Variants in ANKRD36 observed in about 807,000 individuals in gnomAD.
ANKRD36 encodes the protein ankyrin repeat domain-containing protein 36A.
Under a neutral mutation model 278.1 loss-of-function variants are expected in ANKRD36, and 179 were observed. The ratio of observed to expected loss-of-function variants is 0.64; its 90% CI spans 0.57 to 0.73. The LOEUF is 0.73. ANKRD36 is among the 30% of genes least tolerant of loss of function. The probability of loss-of-function intolerance (pLI) is 0.00; values close to 1 mark genes in which losing one functional copy is unlikely to be tolerated. For missense variants in ANKRD36, 1,159 were observed against 1,956.7 expected (o/e 0.59, Z 7.69); for synonymous variants, 320 against 641.1 (o/e 0.50, Z 7.57).
intron 6 of ANKRD36, among the ~76,000 whole-genome samples, chr2:97,131,558 C>A (rs1456790359): frequency 1.3e-5 from 2 of 151,960 alleles, no homozygotes; most frequent in Non-Finnish European, 2.9e-5. Context: ...ATAAGAAAAA[C>A]CCACTGTTTG....
chr2:97,219,481 T>C (rs1200064359), intron 66 of ANKRD36, among the ~76,000 whole-genome samples: 18 of 152,064 alleles, frequency 1.2e-4, no homozygotes, highest in African/African-American at 4.3e-4. Flanking sequence ...TTTTGTTTTG[T>C]TTTGTTTTTT....
At chr2:97,205,869 C>T in intron 50 of ANKRD36, 71 bp from the exon 51 acceptor site, 6 of 1,486,554 alleles carry the variant, frequency 4.0e-6, no homozygotes, top group African/African-American at 1.4e-5. Context: ...TTGATGCTAA[C>T]TCTGCTTGAA....
intron 6 of ANKRD36, among the ~76,000 whole-genome samples, chr2:97,132,636 T>A (rs564227526): frequency 6.6e-6 from 1 of 152,216 alleles, no homozygotes; most frequent in Admixed American, 6.6e-5. Flanking sequence ...AATGCCATTA[T>A]GTCAGAGTTT....
intron 56 of ANKRD36, among the ~76,000 whole-genome samples, chr2:97,210,311 T>G (rs1243880428): frequency 6.6e-6 from 1 of 151,812 alleles, no homozygotes; most frequent in Non-Finnish European, 1.5e-5. Flanking sequence ...GTAGCAACTA[T>G]TTTCCTAAGG....
chr2:97,231,999 G>A (rs1444136419), intron 67 of ANKRD36, among the ~76,000 whole-genome samples: 9 of 151,882 alleles, frequency 5.9e-5, no homozygotes, highest in Non-Finnish European at 1.2e-4. Flanking sequence ...AATTATTCAA[G>A]TTTAGTCCAA....
At chr2:97,173,539 A>C (rs1215918412) in intron 22 of ANKRD36, among the ~76,000 whole-genome samples, 1 of 151,868 alleles carries the variant, frequency 6.6e-6, no homozygotes, top group African/African-American at 2.4e-5. Flanking sequence ...CCTTATCCTC[A>C]CATGTGTCAG....
chr2:97,117,300 TTTA>T (rs1284898523), intron 1 of ANKRD36, among the ~76,000 whole-genome samples: 1 of 152,042 alleles, frequency 6.6e-6, no homozygotes, highest in Non-Finnish European at 1.5e-5. Flanking sequence ...AATTTGTTTT[TTTA>T]TTTTTGCCTT....
chr2:97,136,640 A>T (rs1362203498), intron 6 of ANKRD36, among the ~76,000 whole-genome samples: 1 of 151,670 alleles, frequency 6.6e-6, no homozygotes, highest in East Asian at 1.9e-4. Context: ...TGCTGGGGAA[A>T]AATACATATT....
At chr2:97,213,691 T>G in intron 60 of ANKRD36, 77 bp downstream of exon 60, 1 of 493,610 alleles carries the variant, frequency 2.0e-6, no homozygotes, top group Non-Finnish European at 3.5e-6. Flanking sequence ...CAAATCAGTG[T>G]GGGGCTCATC....
At chr2:97,154,814 T>G in intron 15 of ANKRD36, 73 bp downstream of exon 15, 3 of 1,251,034 alleles carry the variant, frequency 2.4e-6, no homozygotes, top group Non-Finnish European at 3.3e-6. Context: ...TTCTAGCAAA[T>G]AATAGGTAGC....
chr2:97,113,833 C>T lies in ANKRD36; in HGVS notation c.94C>T (p.His32Tyr). ...AFPQYPIKPY[H>Y]LKRIHRAVLH... ...TCCCCAATACCCCATTAAACCGTATCATCTGAAGAGGATCCACAGAGCTGT... is the reference window on the plus strand; with the variant it reads ...TCCCCAATACCCCATTAAACCGTATTATCTGAAGAGGATCCACAGAGCTGT... The change falls in exon 1 of 76, where the codon CAT becomes TAT. Residue 32 changes from histidine to tyrosine, a missense_variant. His to Tyr is a moderately conservative substitution (Grantham distance 83, BLOSUM62 2). Coordinates refer to ENST00000420699, the MANE Select transcript of ANKRD36 (RefSeq NM_001354587.1). The T allele has an allele frequency of 6.2e-7, 1 of 1,613,168 alleles. No homozygotes were observed. The highest frequency in any genetic ancestry group is 8.5e-7 in the Non-Finnish European group (1 of 1,180,014).
At chr2:97,229,268 G>A (rs1327519437) in intron 67 of ANKRD36, among the ~76,000 whole-genome samples, 369 of 151,598 alleles carry the variant, frequency 2.4e-3, no homozygotes, top group African/African-American at 8.7e-3. Context: ...TTGTGTGGGA[G>A]TCTAAGTCTC....
intron 42 of ANKRD36, among the ~76,000 whole-genome samples, chr2:97,197,003 G>A (rs1399587868): frequency 6.6e-6 from 1 of 151,902 alleles, no homozygotes; most frequent in African/African-American, 2.4e-5. Context: ...CTTTGAAGTT[G>A]GGAAGAAGAT....
intron 62 of ANKRD36, 111 bp downstream of exon 62, chr2:97,215,608 G>T (rs2065719080): frequency 6.4e-7 from 1 of 1,558,192 alleles, no homozygotes; most frequent in Non-Finnish European, 8.7e-7. Flanking sequence ...GATTCAGCAT[G>T]CCTGAGATTC....
In ANKRD36 at chr2:97,187,362, A is replaced by T. The variant is rs2153558286; in HGVS notation, c.2104A>T (p.Ile702Leu). Residue 702 changes from isoleucine (I) to leucine (L), a missense_variant, in exon 32 of 76, where the codon ATA (isoleucine) becomes TTA (leucine). By Grantham distance (5) the Ile-to-Leu change is conservative. Coordinates refer to ENST00000420699, the MANE Select transcript of ANKRD36 (RefSeq NM_001354587.1). Reference protein sequence around the residue: ...TTDEEDSVSNIATEIKDGEKS... With the variant: ...TTDEEDSVSNLATEIKDGEKS... ...TGACGAGGAAGACTCTGTTTCGAAT[A>T]TAGCCACAGAAATAAAGGATGGAGA... The T allele has an allele frequency of 6.2e-7, 1 of 1,609,090 alleles. No individual in the cohort carries two copies. Among genetic ancestry groups the T allele is most frequent in the East Asian group, 2.2e-5 (1 of 44,496 alleles).
intron 24 of ANKRD36, among the ~76,000 whole-genome samples, chr2:97,180,609 G>T (rs1575433466): frequency 6.6e-6 from 1 of 151,602 alleles, no homozygotes; most frequent in African/African-American, 2.4e-5. Flanking sequence ...CTACTATTAG[G>T]CATCAGGGAC....
chr2:97,123,957 T>TTATATA (rs58038395), intron 4 of ANKRD36, among the ~76,000 whole-genome samples: 60,244 of 141,500 alleles, frequency 0.43, 16,699 homozygotes, highest in Non-Finnish European at 0.62. Flanking sequence ...TCCTCCATAT[T>TTATATA]TATATATATA....
intron 66 of ANKRD36, among the ~76,000 whole-genome samples, chr2:97,220,855 C>T (rs2067410400): frequency 6.9e-6 from 1 of 144,850 alleles, no homozygotes; most frequent in Non-Finnish European, 1.5e-5. Flanking sequence ...TATACATGTG[C>T]CATGCTGGTG....
chr2:97,150,696 A>G (rs1006112940), intron 12 of ANKRD36, among the ~76,000 whole-genome samples: 2 of 148,936 alleles, frequency 1.3e-5, no homozygotes, highest in African/African-American at 4.9e-5. Flanking sequence ...GGAGAGGTGG[A>G]TACAGCCTAA....
Sources: gnomAD v4.1 joint callset for allele counts (sites outside exome capture counted in the v4.1 genomes callset) on GRCh38, gnomAD v4.1.1 for gene constraint, MANE v1.5 for transcripts, NCBI Gene and HGNC (gene_info 2026-07-23, HGNC 2026-07-21) for gene names.